Variants in ANKRD44 observed in about 807,000 individuals in gnomAD.
ANKRD44 encodes the protein ankyrin repeat domain 44.
A neutral mutation model predicts 116.0 loss-of-function variants in ANKRD44; 35 were observed. That is an observed-to-expected ratio of 0.30 (90% CI 0.23 to 0.40). The LOEUF is 0.40. ANKRD44 is among the 10% of genes least tolerant of loss of function. ANKRD44 has a pLI of 1.00. For synonymous variants in ANKRD44, 435 were observed against 461.8 expected (o/e 0.94, Z 0.74); for missense variants, 1,014 against 1,242.6 (o/e 0.82, Z 2.77).
chr2:197,090,768 T>C (rs2078025691), intron 10 of ANKRD44, among the ~76,000 whole-genome samples: 1 of 152,140 alleles, frequency 6.6e-6, no homozygotes, highest in African/African-American at 2.4e-5. Flanking sequence ...ACTCAGCTAG[T>C]AGACAGGACT....
intron 20 of ANKRD44, among the ~76,000 whole-genome samples, chr2:197,007,482 T>A (rs1419252307): frequency 3.9e-5 from 6 of 152,176 alleles, no homozygotes; most frequent in African/African-American, 1.2e-4. Flanking sequence ...TAAAAAAAAA[T>A]ATTCTGCAAA....
chr2:197,121,543 A>G lies in ANKRD44; in HGVS notation c.695T>C (p.Ile232Thr), dbSNP rs544461971. The G allele has an allele frequency of 1.5e-5, 25 of 1,613,674 alleles. No individual in the cohort carries two copies. The highest frequency in any genetic ancestry group is 1.8e-5 in the Non-Finnish European group (21 of 1,179,810). ...ATTTCCATAGACATTGATTTCATCA[A>G]TCTGCAAAAGAGTCCAACACAGGGT... Reference protein sequence around the residue: ...VKHLLNLGVEIDEINVYGNTA... With the variant: ...VKHLLNLGVETDEINVYGNTA... The change falls in exon 8 of 28, where the codon ATT (isoleucine) becomes ACT (threonine). Residue 232 changes from isoleucine to threonine, a missense_variant and splice_region_variant. Transcript: ENST00000282272.
At chr2:197,044,396 T>C (rs893952295) in intron 16 of ANKRD44, among the ~76,000 whole-genome samples, 1 of 152,160 alleles carries the variant, frequency 6.6e-6, no homozygotes, top group Admixed American at 6.5e-5. Context: ...AGATGGAGTC[T>C]CATTCTGTTG....
At chr2:197,058,598 G>A (rs909776905) in intron 16 of ANKRD44, among the ~76,000 whole-genome samples, 2 of 152,096 alleles carry the variant, frequency 1.3e-5, no homozygotes, top group Non-Finnish European at 2.9e-5. Flanking sequence ...CAATGTGAAT[G>A]GTATCTATAA....
chr2:197,086,049 C>T (rs893202276), intron 13 of ANKRD44, among the ~76,000 whole-genome samples: 3 of 151,628 alleles, frequency 2.0e-5, no homozygotes, highest in Non-Finnish European at 4.4e-5. Context: ...TCTGAAAGGG[C>T]GGGTAGGAGT....
chr2:197,069,779 T>C (rs1309502620), intron 16 of ANKRD44, among the ~76,000 whole-genome samples: 1 of 152,188 alleles, frequency 6.6e-6, no homozygotes, highest in Non-Finnish European at 1.5e-5. Context: ...AATCTTTCAT[T>C]CGTCTATGAA....
chr2:197,125,762 CAAG>C, intron 5 of ANKRD44, 72 bp downstream of exon 5: 1 of 1,464,938 alleles, frequency 6.8e-7, no homozygotes, highest in Middle Eastern at 2.4e-4. Context: ...AAAATCTCAG[CAAG>C]AAGATCAGTT....
At chr2:197,070,932 C>G (rs914980958) in intron 16 of ANKRD44, among the ~76,000 whole-genome samples, 6 of 152,104 alleles carry the variant, frequency 3.9e-5, no homozygotes, top group Non-Finnish European at 7.4e-5. Flanking sequence ...TTCAAATGAT[C>G]TACTTCATAC....
At chr2:197,030,457 G>A (rs543950483) in intron 16 of ANKRD44, among the ~76,000 whole-genome samples, 41 of 151,998 alleles carry the variant, frequency 2.7e-4, no homozygotes, top group Non-Finnish European at 5.3e-4. Flanking sequence ...TTTTTTGGCC[G>A]TGTGGATCAA....
At chr2:197,110,634 C>A in intron 9 of ANKRD44, 132 bp downstream of exon 9, 2 of 751,254 alleles carry the variant, frequency 2.7e-6, no homozygotes, top group South Asian at 1.6e-5. Context: ...CAAAGTACAT[C>A]AAAGAATTAT....
At chr2:197,246,883 A>G (rs2082204895) in intron 1 of ANKRD44, among the ~76,000 whole-genome samples, 1 of 152,228 alleles carries the variant, frequency 6.6e-6, no homozygotes, top group Non-Finnish European at 1.5e-5. Flanking sequence ...GAAGCAGCAG[A>G]GCCAGAATTG....
intron 3 of ANKRD44, among the ~76,000 whole-genome samples, chr2:197,145,518 G>A (rs139531296): frequency 7.9e-5 from 12 of 152,248 alleles, no homozygotes; most frequent in African/African-American, 2.9e-4. Context: ...TTTGGAACAT[G>A]GCCCTGGGAC....
chr2:197,252,345 C>T (rs2082336244), intron 1 of ANKRD44, among the ~76,000 whole-genome samples: 1 of 150,352 alleles, frequency 6.7e-6, no homozygotes, highest in East Asian at 1.9e-4. Context: ...CCGCCCCGCC[C>T]CGCCAAAGGT....
At chr2:197,061,414 C>T (rs370408549) in intron 16 of ANKRD44, among the ~76,000 whole-genome samples, 2 of 152,166 alleles carry the variant, frequency 1.3e-5, no homozygotes, top group African/African-American at 4.8e-5. Flanking sequence ...GAGTGGGCAG[C>T]GATTGGAGCA....
intron 10 of ANKRD44, among the ~76,000 whole-genome samples, chr2:197,096,949 G>A (rs148482326): frequency 3.3e-5 from 5 of 151,974 alleles, no homozygotes; most frequent in African/African-American, 9.7e-5. Context: ...GTAGCATGTC[G>A]CATCCCCAGA....
At chr2:197,038,260 C>A (rs2076843098) in intron 16 of ANKRD44, among the ~76,000 whole-genome samples, 1 of 151,970 alleles carries the variant, frequency 6.6e-6, no homozygotes, top group African/African-American at 2.4e-5. Flanking sequence ...GGGAGGGGAG[C>A]AAGGAGTATA....
At chr2:197,109,215 C>T (rs2078508762) in intron 9 of ANKRD44, among the ~76,000 whole-genome samples, 1 of 152,196 alleles carries the variant, frequency 6.6e-6, no homozygotes, top group South Asian at 2.1e-4. Flanking sequence ...GACATTATTT[C>T]TGAAAAACAG....
chr2:196,992,319 G>C (rs749756030), intron 27 of ANKRD44, among the ~76,000 whole-genome samples: 1 of 152,156 alleles, frequency 6.6e-6, no homozygotes, highest in Non-Finnish European at 1.5e-5. Flanking sequence ...AAATAAGAAT[G>C]AACAGGTAGT....
chr2:197,123,824 T>G (rs2078914972), intron 6 of ANKRD44, among the ~76,000 whole-genome samples: 2 of 152,148 alleles, frequency 1.3e-5, no homozygotes, highest in South Asian at 4.1e-4. Flanking sequence ...TATTAAAATT[T>G]GACTCTTTTC....
Sources: allele counts gnomAD v4.1 joint callset (sites outside exome capture counted in the v4.1 genomes callset), GRCh38; gene constraint gnomAD v4.1.1; transcripts MANE v1.5; gene names NCBI Gene and HGNC (gene_info 2026-07-23, HGNC 2026-07-21).